KCNG3: variants seen among roughly 807,000 people sequenced by gnomAD.
KCNG3 encodes the protein voltage-gated potassium channel regulatory subunit KCNG3.
In KCNG3, 15 loss-of-function variants were observed where a neutral mutation model predicts 29.0. The observed-to-expected ratio is 0.52, with a 90% CI of 0.35 to 0.80. The LOEUF is 0.80. Ranked by LOEUF, KCNG3 falls within the 30% of genes least tolerant of loss-of-function variation. KCNG3 has a pLI of 0.01. For synonymous variants in KCNG3, 322 were observed against 248.9 expected (o/e 1.29, Z -2.76); for missense variants, 512 against 605.7 (o/e 0.85, Z 1.62).
At chr2:42,488,193 A>C (rs1673777434) in intron 1 of KCNG3, among the ~76,000 whole-genome samples, 1 of 152,206 alleles carries the variant, frequency 6.6e-6, no homozygotes, top group Non-Finnish European at 1.5e-5. Flanking sequence ...AAAACAAATC[A>C]ATTTAAAAGG....
chr2:42,481,183 T>C (rs371653386), intron 1 of KCNG3, among the ~76,000 whole-genome samples: 8 of 152,188 alleles, frequency 5.3e-5, no homozygotes, highest in African/African-American at 1.9e-4. Flanking sequence ...AGACTCCCAT[T>C]GGTCCTGCAA....
In KCNG3 at chr2:42,492,821, A is replaced by C. The variant is rs765794828; in HGVS notation, c.665+16T>G. On this transcript the variant is annotated intron_variant, in intron 1 of 1. Coordinates refer to ENST00000306078, the MANE Select transcript of KCNG3 (RefSeq NM_133329.6). Reference sequence around the variant, plus strand: ...GACAGGACGGACGGGACGGGTAGAGAAGCAGTGCGTCCTACCCGGAGGGCT... The same window carrying C: ...GACAGGACGGACGGGACGGGTAGAGCAGCAGTGCGTCCTACCCGGAGGGCT... 1 of 1,463,134 alleles carries C rather than the reference A, an allele frequency of 6.8e-7. No homozygotes were observed. Among genetic ancestry groups the C allele is most frequent in the Non-Finnish European group, 9.0e-7 (1 of 1,109,388 alleles). The allele number at this position is 1,463,134 out of a possible 1,614,324, so 90.6% of individuals were successfully genotyped here. A position where few individuals can be genotyped will look rare whatever the true frequency, so the allele number is the denominator to read the frequency against.
intron 1 of KCNG3, among the ~76,000 whole-genome samples, chr2:42,459,174 C>A (rs1672951788): frequency 7.1e-6 from 1 of 141,182 alleles, no homozygotes; most frequent in Non-Finnish European, 1.5e-5. Context: ...CCAGACTGGG[C>A]AACAAGAGCG....
At chr2:42,460,432 A>G (rs1001335473) in intron 1 of KCNG3, among the ~76,000 whole-genome samples, 10 of 152,218 alleles carry the variant, frequency 6.6e-5, no homozygotes, top group African/African-American at 2.4e-4. Flanking sequence ...AAACAGACTG[A>G]AAGTTTGCGA....
intron 1 of KCNG3, among the ~76,000 whole-genome samples, chr2:42,465,174 C>CT (rs1232724206): frequency 5.9e-5 from 9 of 151,650 alleles, no homozygotes; most frequent in African/African-American, 2.2e-4. Context: ...AAAGTGAAAA[C>CT]TTTAAGATTT....
intron 1 of KCNG3, chr2:42,470,207 C>T (rs553832359): frequency 9.5e-6 from 4 of 419,280 alleles, no homozygotes; most frequent in Non-Finnish European, 1.4e-5. Flanking sequence ...TAAGACAAAG[C>T]GAGTCCTCCC....
At chr2:42,433,983 G>A in the KCNG3 span, among the ~76,000 whole-genome samples, 1 of 152,062 alleles carries the variant, frequency 6.6e-6, no homozygotes, top group South Asian at 2.1e-4. Context: ...ATTGTTGAAA[G>A]AAATTAAAGA....
intron 1 of KCNG3, among the ~76,000 whole-genome samples, chr2:42,473,386 G>A (rs531479857): frequency 5.3e-5 from 8 of 149,962 alleles, no homozygotes; most frequent in African/African-American, 2.0e-4. Context: ...GTCTCACTCT[G>A]TCTCCCATGG....
intron 1 of KCNG3, among the ~76,000 whole-genome samples, chr2:42,478,451 G>C (rs1248230115): frequency 6.6e-6 from 1 of 151,866 alleles, no homozygotes; most frequent in African/African-American, 2.4e-5. Flanking sequence ...GGCTGGTCTT[G>C]AACTCCTGGG....
chr2:42,405,606 T>A, the KCNG3 span, among the ~76,000 whole-genome samples: 1 of 149,070 alleles, frequency 6.7e-6, no homozygotes, highest in Non-Finnish European at 1.5e-5. Flanking sequence ...ATGTGACTAA[T>A]TTTTTTTTTT....
chr2:42,437,245 A>T (rs1332694236), downstream of KCNG3, among the ~76,000 whole-genome samples: 1 of 152,220 alleles, frequency 6.6e-6, no homozygotes, highest in Admixed American at 6.5e-5. Flanking sequence ...GATCTTTTTA[A>T]ACAGGGTTAA....
intron 1 of KCNG3, chr2:42,469,995 A>G (rs1673247241): frequency 4.0e-6 from 2 of 501,286 alleles, no homozygotes. Context: ...GGTGTTGCAC[A>G]AGTACGTTTT....
chr2:42,402,828 C>CTAAT, the KCNG3 span, among the ~76,000 whole-genome samples: 4 of 152,194 alleles, frequency 2.6e-5, no homozygotes, highest in Admixed American at 2.0e-4. Context: ...ATTTCTGGTA[C>CTAAT]TAATTCTTCC....
chr2:42,471,519 C>G (rs924767453), intron 1 of KCNG3, among the ~76,000 whole-genome samples: 2 of 151,964 alleles, frequency 1.3e-5, no homozygotes, highest in African/African-American at 4.8e-5. Context: ...GACTACCTAA[C>G]AAGTAGGTTT....
At chr2:42,476,485 T>C (rs1447863456) in intron 1 of KCNG3, among the ~76,000 whole-genome samples, 6 of 150,928 alleles carry the variant, frequency 4.0e-5, no homozygotes, top group Non-Finnish European at 8.9e-5. Flanking sequence ...CAATAAAAAT[T>C]TAAAAAAAAA....
At chr2:42,456,140 AATTT>A (rs1403094664) in intron 1 of KCNG3, among the ~76,000 whole-genome samples, 2 of 152,174 alleles carry the variant, frequency 1.3e-5, no homozygotes, top group Non-Finnish European at 2.9e-5. Context: ...GGAAAAATGA[AATTT>A]ATTTATAACT....
the KCNG3 span, among the ~76,000 whole-genome samples, chr2:42,392,879 C>T: frequency 2.0e-5 from 3 of 151,788 alleles, no homozygotes; most frequent in African/African-American, 4.8e-5. Flanking sequence ...AGACCAGAAG[C>T]GTCAATTTCT....
chr2:42,476,020 C>T (rs1437102185), intron 1 of KCNG3, among the ~76,000 whole-genome samples: 1 of 152,140 alleles, frequency 6.6e-6, no homozygotes, highest in East Asian at 1.9e-4. Context: ...GAGCCAAGAT[C>T]GTGCCATTGC....
chr2:42,393,135 T>G, the KCNG3 span, among the ~76,000 whole-genome samples: 2 of 151,908 alleles, frequency 1.3e-5, no homozygotes, highest in Non-Finnish European at 2.9e-5. Flanking sequence ...CTTCATAGAG[T>G]TGGTAGTAAG....
Sources: allele counts gnomAD v4.1 joint callset (sites outside exome capture counted in the v4.1 genomes callset), GRCh38; gene constraint gnomAD v4.1.1; transcripts MANE v1.5; gene names NCBI Gene and HGNC (gene_info 2026-07-23, HGNC 2026-07-21).